Variants in MECOM observed in about 807,000 individuals in gnomAD.
MECOM encodes MDS1 and EVI1 complex locus.
MECOM carries 13 observed loss-of-function variants against 116.3 expected under a neutral mutation model. The ratio of observed to expected loss-of-function variants is 0.11; its 90% confidence interval spans 0.07 to 0.18. MECOM has a LOEUF of 0.18. MECOM is among the 10% of genes least tolerant of loss of function. The pLI, the probability that MECOM is intolerant of heterozygous loss-of-function variation, is 1.00. For synonymous variants in MECOM, 528 were observed against 535.2 expected (o/e 0.99, Z 0.19); for missense variants, 1,299 against 1,509.0 (o/e 0.86, Z 2.31).
At chr3:169,552,332 T>A (rs1761510387) in intron 1 of MECOM, among the ~76,000 whole-genome samples, 1 of 151,966 alleles carries the variant, frequency 6.6e-6, no homozygotes, top group Non-Finnish European at 1.5e-5. Flanking sequence ...TTTGATAACA[T>A]CATCAAAATT....
chr3:169,356,607 T>A (rs1727326705), intron 2 of MECOM, among the ~76,000 whole-genome samples: 1 of 151,904 alleles, frequency 6.6e-6, no homozygotes, highest in Non-Finnish European at 1.5e-5. Flanking sequence ...ATTTTTTGAA[T>A]CACTAAACAC....
Position 169,663,518 on chromosome 3 carries a change from CTCTCTCTCTCT to C in MECOM, c.-157_-147del, listed in dbSNP as rs1776610917. ...TCTCTCTCTCTCTCTCTCTCTCTCT[CTCTCTCTCTCT>C]CCCTCCCTCCTGTTTCTCTCCTGTT... On this transcript the variant is annotated 5_prime_UTR_variant, in exon 1 of 17. Coordinates refer to ENST00000651503, the MANE Select transcript of MECOM (RefSeq NM_004991.4). 1.5e-5 allele frequency: 10 copies of C among 675,456 alleles called. No individual in the cohort carries two copies. The highest frequency in any genetic ancestry group is 2.1e-5 in the Non-Finnish European group (8 of 384,022). The allele number at this position is 675,456 out of a possible 1,614,324, so 41.8% of individuals were successfully genotyped here.
At chr3:169,304,239 A>G (rs1331739537) in intron 2 of MECOM, among the ~76,000 whole-genome samples, 1 of 152,242 alleles carries the variant, frequency 6.6e-6, no homozygotes, top group Non-Finnish European at 1.5e-5. Context: ...AAGTGAAGCT[A>G]TTTCCACGCA....
At chr3:169,265,142 G>T (rs1485692426) in intron 2 of MECOM, among the ~76,000 whole-genome samples, 1 of 152,110 alleles carries the variant, frequency 6.6e-6, no homozygotes, top group South Asian at 2.1e-4. Flanking sequence ...ATGATATATG[G>T]TAAATAATGG....
At chr3:169,182,639 T>C (rs1023766189) in intron 2 of MECOM, among the ~76,000 whole-genome samples, 1 of 152,206 alleles carries the variant, frequency 6.6e-6, no homozygotes, top group African/African-American at 2.4e-5. Flanking sequence ...AGAAAGTCAT[T>C]TGGTGTCAAT....
rs566845568 is a variant in MECOM at position 169,131,444 on chromosome 3, C to A, written c.598G>T (p.Ala200Ser). 5 of 1,613,954 alleles carry A rather than the reference C, an allele frequency of 3.1e-6. No individual in the cohort carries two copies. In the South Asian group the frequency reaches 5.5e-5, roughly 18 times the overall value. Residue 200 changes from alanine to serine, a missense_variant, in exon 4 of 17, where the codon GCG (alanine) becomes TCG (serine). Transcript: ENST00000651503. ...TGGTACTAACCGTGGATATCCGGCG[C>A]CATAGTTTCATGGGGATAGTCTTCG... ...KSEDYPHETM[A>S]PDIHEERQYR...
chr3:169,647,208 C>G (rs1774299320), intron 1 of MECOM, among the ~76,000 whole-genome samples: 1 of 152,176 alleles, frequency 6.6e-6, no homozygotes, highest in South Asian at 2.1e-4. Flanking sequence ...GGTTTGGATC[C>G]TGGCTCTGTA....
intron 2 of MECOM, among the ~76,000 whole-genome samples, chr3:169,191,778 GAA>G (rs1192463406): frequency 1.4e-5 from 2 of 138,860 alleles, no homozygotes; most frequent in African/African-American, 2.8e-5. Flanking sequence ...AAGAAAGAAA[GAA>G]AGAAAGAAAG....
chr3:169,375,368 A>C (rs1417455082), intron 2 of MECOM, among the ~76,000 whole-genome samples: 1 of 146,634 alleles, frequency 6.8e-6, no homozygotes, highest in African/African-American at 2.6e-5. Flanking sequence ...ATCCTTCAAA[A>C]AAAAATCAAT....
At chr3:169,650,660 GA>G (rs1774779989) in intron 1 of MECOM, among the ~76,000 whole-genome samples, 1 of 152,058 alleles carries the variant, frequency 6.6e-6, no homozygotes. Flanking sequence ...TTGGAAATCT[GA>G]TCTGCCCTGA....
intron 1 of MECOM, among the ~76,000 whole-genome samples, chr3:169,561,568 G>C (rs181789567): frequency 3.9e-5 from 6 of 152,132 alleles, no homozygotes; most frequent in African/African-American, 1.4e-4. Context: ...TGTTATAGCA[G>C]TAGTGTAAAA....
At chr3:169,347,809 G>T (rs534878431) in intron 2 of MECOM, among the ~76,000 whole-genome samples, 3 of 152,162 alleles carry the variant, frequency 2.0e-5, no homozygotes, top group South Asian at 2.1e-4. Context: ...GAATGGATTT[G>T]TCTGGTTCGC....
intron 1 of MECOM, among the ~76,000 whole-genome samples, chr3:169,594,679 C>A (rs572965364): frequency 6.6e-6 from 1 of 151,718 alleles, no homozygotes; most frequent in African/African-American, 2.4e-5. Context: ...CCAGGCCCAT[C>A]CGCTCCCACT....
intron 1 of MECOM, among the ~76,000 whole-genome samples, chr3:169,389,769 C>A (rs1248476717): frequency 6.6e-6 from 1 of 152,196 alleles, no homozygotes; most frequent in African/African-American, 2.4e-5. Context: ...TAAAAGAAGG[C>A]AGGCATTTCC....
intron 2 of MECOM, among the ~76,000 whole-genome samples, chr3:169,296,813 T>G (rs193022851): frequency 3.9e-5 from 6 of 152,350 alleles, no homozygotes; most frequent in Admixed American, 1.3e-4. Flanking sequence ...CAAAGTTTGT[T>G]TTAATCATAC....
At chr3:169,478,894 G>A (rs1417652822) in intron 1 of MECOM, among the ~76,000 whole-genome samples, 1 of 152,206 alleles carries the variant, frequency 6.6e-6, no homozygotes, top group Non-Finnish European at 1.5e-5. Flanking sequence ...AGTTATTGAT[G>A]TGGAACACAG....
chr3:169,557,757 G>A (rs1468752121), intron 1 of MECOM, among the ~76,000 whole-genome samples: 1 of 152,166 alleles, frequency 6.6e-6, no homozygotes, highest in East Asian at 1.9e-4. Context: ...TGTAGGCAAG[G>A]CAAGAAACAC....
intron 1 of MECOM, among the ~76,000 whole-genome samples, chr3:169,612,549 T>C (rs1201790462): frequency 6.6e-6 from 1 of 152,150 alleles, no homozygotes; most frequent in Non-Finnish European, 1.5e-5. Flanking sequence ...GTTCCTATAA[T>C]CTAAAAATCA....
chr3:169,201,855 C>A (rs1200401322), intron 2 of MECOM, among the ~76,000 whole-genome samples: 2 of 152,068 alleles, frequency 1.3e-5, no homozygotes, highest in Non-Finnish European at 2.9e-5. Flanking sequence ...AATCTGAAAC[C>A]AAATGTTTGC....
Sources: allele counts gnomAD v4.1 joint callset (sites outside exome capture counted in the v4.1 genomes callset), GRCh38; gene constraint gnomAD v4.1.1; transcripts MANE v1.5; gene names NCBI Gene and HGNC (gene_info 2026-07-23, HGNC 2026-07-21).